The following DAB2IP variants were observed in gnomAD, a reference collection of about 807,000 sequenced individuals.
DAB2IP encodes the protein disabled homolog 2-interacting protein.
In DAB2IP, 28 loss-of-function variants were observed where a neutral mutation model predicts 107.2. The observed-to-expected ratio is 0.26, with a 90% CI of 0.19 to 0.36. DAB2IP has a LOEUF of 0.36. Among genes scored for constraint, DAB2IP ranks in the 10% least tolerant of loss-of-function variants. The pLI is 1.00. For missense variants in DAB2IP, 1,400 were observed against 1,644.7 expected (o/e 0.85, Z 2.57); for synonymous variants, 755 against 706.4 (o/e 1.07, Z -1.09).
intron 13 of DAB2IP, among the ~76,000 whole-genome samples, chr9:121,774,664 G>T (rs1010918984): frequency 6.6e-6 from 1 of 152,198 alleles, no homozygotes; most frequent in Non-Finnish European, 1.5e-5. Context: ...AATTGTCTTG[G>T]ATACAGACTC....
intron 1 of DAB2IP, among the ~76,000 whole-genome samples, chr9:121,589,616 A>G (rs1830382785): frequency 1.3e-5 from 2 of 152,082 alleles, no homozygotes; most frequent in African/African-American, 2.4e-5. Context: ...ACCTGATGAC[A>G]TTGTTACCTG....
intron 1 of DAB2IP, among the ~76,000 whole-genome samples, chr9:121,615,131 T>C (rs1831224583): frequency 6.6e-6 from 1 of 152,196 alleles, no homozygotes; most frequent in Non-Finnish European, 1.5e-5. Context: ...TGTTACGCCT[T>C]ATGTCTGCAA....
intron 4 of DAB2IP, among the ~76,000 whole-genome samples, chr9:121,758,144 C>T (rs1245106832): frequency 2.0e-5 from 3 of 152,174 alleles, no homozygotes; most frequent in African/African-American, 4.8e-5. Flanking sequence ...CCTCGAATGC[C>T]GTGTGAGGAG....
intron 3 of DAB2IP, among the ~76,000 whole-genome samples, chr9:121,723,515 G>A: frequency 6.6e-6 from 1 of 152,228 alleles, no homozygotes; most frequent in Non-Finnish European, 1.5e-5. Context: ...AGGGAGGAGT[G>A]TGGTCTGGGC....
chr9:121,651,115 G>GT (rs1832723171), upstream of DAB2IP, among the ~76,000 whole-genome samples: 1 of 152,148 alleles, frequency 6.6e-6, no homozygotes, highest in Non-Finnish European at 1.5e-5. This position sits in a 1 kb window ranked among gnomAD's most constrained non-coding sequence, Gnocchi z 5.1. Context: ...AACAGACACC[G>GT]TAATTTTAAT....
chr9:121,567,270 C>T, intron 1 of DAB2IP: 1 of 1,613,470 alleles, frequency 6.2e-7, no homozygotes, highest in Non-Finnish European at 8.5e-7. Flanking sequence ...GGGTTTCAGC[C>T]TCTCTGCTCA....
At chr9:121,704,145 C>A (rs894744962) in intron 3 of DAB2IP, among the ~76,000 whole-genome samples, 20 of 152,116 alleles carry the variant, frequency 1.3e-4, no homozygotes, top group African/African-American at 4.6e-4. Flanking sequence ...GAATATTTAT[C>A]TTTGCCTACA....
chr9:121,774,562 G>C (rs923413018), intron 13 of DAB2IP, 150 bp downstream of exon 13: 31 of 925,810 alleles, frequency 3.3e-5, no homozygotes, highest in Middle Eastern at 3.4e-4. Flanking sequence ...TGTGAGAATA[G>C]CAGTCAGTGG....
At chr9:121,714,621 G>C (rs575753483) in intron 3 of DAB2IP, among the ~76,000 whole-genome samples, 1 of 152,356 alleles carries the variant, frequency 6.6e-6, no homozygotes, top group African/African-American at 2.4e-5. Context: ...TCTTCAGTTA[G>C]AGCCAGTTAC....
chr9:121,762,616 C>T (rs989345852), intron 6 of DAB2IP, among the ~76,000 whole-genome samples: 7 of 152,232 alleles, frequency 4.6e-5, no homozygotes, highest in African/African-American at 1.7e-4. Flanking sequence ...TTCTTGAGCA[C>T]AGATGCCTGG....
rs1452976841 is a variant in DAB2IP at position 121,699,497 on chromosome 9, C to T, written c.362+39C>T. On this transcript the variant is annotated intron_variant, in intron 3 of 15. Transcript: ENST00000408936. This position sits in a 1 kb window ranked among gnomAD's most constrained non-coding sequence, Gnocchi z 6.2. ...CGCCGCCCGGTCCCCCGCGCCGCCGCCCCGGGCTGCGCCCCTGAGGACGCG... is the reference window on the plus strand; with the variant it reads ...CGCCGCCCGGTCCCCCGCGCCGCCGTCCCGGGCTGCGCCCCTGAGGACGCG... 3.2e-6 allele frequency: 4 copies of T among 1,240,672 alleles called. No homozygotes were observed. Among genetic ancestry groups the T allele is most frequent in the Non-Finnish European group, 2.0e-6 (2 of 989,630 alleles). 76.9% of individuals were successfully genotyped at this position (1,240,672 alleles called of 1,614,324 possible). A position where few individuals can be genotyped will look rare whatever the true frequency, so the allele number is the denominator to read the frequency against.
At position 121,605,591 on chromosome 9, in the gene DAB2IP, TG is replaced by T. The variant is rs374868990; in HGVS notation, c.40+38366del. ...TTGGCTGACTGCAACCTCCACCTCC[TG>T]GGCTCAAGTGATCCTCCCACCTTAG... On this transcript the variant is annotated intron_variant, in intron 1 of 16. Transcript: ENST00000259371. 3.9e-3 allele frequency among the ~76,000 whole-genome samples: 599 copies of T among 152,234 alleles called. 8 individuals carry two copies. Among genetic ancestry groups the T allele is most frequent in the African/African-American group, 0.014 (568 of 41,550 alleles).
chr9:121,768,490 A>G, exon 10 of DAB2IP: 1 of 1,614,174 alleles, frequency 6.2e-7, no homozygotes, highest in African/African-American at 1.3e-5. Flanking sequence ...GCATGAGTGG[A>G]CCAACATGCA....
intron 10 of DAB2IP, among the ~76,000 whole-genome samples, chr9:121,770,174 G>A (rs533506491): frequency 6.6e-6 from 1 of 152,344 alleles, no homozygotes; most frequent in South Asian, 2.1e-4. Flanking sequence ...TAAGTGATGT[G>A]AGAGGGGCTG....
chr9:121,631,317 A>G (rs1012818930), intron 1 of DAB2IP, among the ~76,000 whole-genome samples: 5 of 152,156 alleles, frequency 3.3e-5, no homozygotes, highest in African/African-American at 7.2e-5. Context: ...GGAAGGCTTC[A>G]TGGAGGAGGT....
chr9:121,586,879 T>C (rs1336443530), intron 1 of DAB2IP, among the ~76,000 whole-genome samples: 3 of 152,166 alleles, frequency 2.0e-5, no homozygotes, highest in Non-Finnish European at 4.4e-5. Flanking sequence ...AAATTGAATT[T>C]GTCCAAGTTC....
intron 1 of DAB2IP, among the ~76,000 whole-genome samples, chr9:121,627,260 A>G (rs927225991): frequency 2.0e-5 from 3 of 152,090 alleles, no homozygotes; most frequent in African/African-American, 7.2e-5. Context: ...CGGTGTCGGT[A>G]TACACATTTC....
chr9:121,733,634 C>T (rs767441321), intron 3 of DAB2IP, among the ~76,000 whole-genome samples: 1 of 152,146 alleles, frequency 6.6e-6, no homozygotes, highest in Non-Finnish European at 1.5e-5. Context: ...CAGCAGTAGC[C>T]AGGAGAAGGG....
Position 121,651,784 on chromosome 9 carries a change from G to A in DAB2IP, c.9G>A (p.Ala3=). Residue 3 remains alanine (A), a synonymous_variant, in exon 1 of 16, where the codon GCG becomes GCA. Transcript: ENST00000408936. This position sits in a 1 kb window ranked among gnomAD's most constrained non-coding sequence, Gnocchi z 5.1. ...GCCCGGCGGGCGGCAGCATGTCCGC[G>A]GGCGGCAGCGCCAGGAAGAGCACCG... 2.2e-6 allele frequency: 3 copies of A among 1,394,340 alleles called. No homozygotes were observed. Among genetic ancestry groups the A allele is most frequent in the Non-Finnish European group, 1.9e-6 (2 of 1,067,684 alleles). The allele number at this position is 1,394,340 out of a possible 1,614,324, so 86.4% of individuals were successfully genotyped here.
Sources: gnomAD v4.1 joint callset for allele counts (sites outside exome capture counted in the v4.1 genomes callset) on GRCh38, gnomAD v4.1.1 for gene constraint, Gnocchi (gnomAD v3.1) non-coding constraint, MANE v1.5 for transcripts, NCBI Gene and HGNC (gene_info 2026-07-23, HGNC 2026-07-21) for gene names.